CCR6: variants seen among roughly 807,000 people sequenced by gnomAD.
CCR6 encodes C-C chemokine receptor type 6.
Under a neutral mutation model 3.0 loss-of-function variants are expected in CCR6, and 2 were observed. The observed-to-expected ratio is 0.66, with a 90% CI of 0.27 to 2.07. The LOEUF is 2.07. Among genes scored for constraint, CCR6 ranks in the 30% most tolerant of loss-of-function variants. CCR6 has a pLI of 0.14. For synonymous variants in CCR6, 193 were observed against 184.3 expected (o/e 1.05, Z -0.38); for missense variants, 322 against 462.8 (o/e 0.70, Z 2.79).
At chr6:167,116,156 G>A (rs539774837) in intron 1 of CCR6, 5 of 152,338 alleles carry the variant, frequency 3.3e-5, no homozygotes, top group South Asian at 2.1e-4. Flanking sequence ...AAGCTCCAGG[G>A]TCCAACTGCA....
At chr6:167,120,437 A>T (rs938019813), upstream of CCR6, among the ~76,000 whole-genome samples, 7 of 152,196 alleles carry the variant, frequency 4.6e-5, no homozygotes, top group African/African-American at 1.7e-4. Flanking sequence ...ATGTCCACAA[A>T]GTGGTGTGCC....
intron 1 of CCR6, among the ~76,000 whole-genome samples, chr6:167,134,195 T>TGCAGCA (rs1781815661): frequency 6.6e-6 from 1 of 152,154 alleles, no homozygotes; most frequent in Non-Finnish European, 1.5e-5. Context: ...AGTTGTTTAA[T>TGCAGCA]GCAGCAGGGT....
At chr6:167,135,382 T>A (rs1176123047) in intron 1 of CCR6, among the ~76,000 whole-genome samples, 1 of 152,224 alleles carries the variant, frequency 6.6e-6, no homozygotes, top group Non-Finnish European at 1.5e-5. Context: ...GAATGTCTAC[T>A]GGAAAGGTCT....
At position 167,136,062 on chromosome 6, in the gene CCR6, G is replaced by T; in HGVS notation, c.-73G>T. 6.5e-7 allele frequency: 1 copy of T among 1,548,180 alleles called. No individual in the cohort carries two copies. Among genetic ancestry groups the T allele is most frequent in the Non-Finnish European group, 8.8e-7 (1 of 1,138,854 alleles). Reference sequence around the variant, plus strand: ...GAGTCACCTCTACTTTCCTGCTACCGCTGCCTGTGAGCTGAAGGGGCTGAA... The same window carrying T: ...GAGTCACCTCTACTTTCCTGCTACCTCTGCCTGTGAGCTGAAGGGGCTGAA... On this transcript the variant is annotated 5_prime_UTR_variant, in exon 2 of 3. Coordinates refer to ENST00000341935, the MANE Select transcript of CCR6 (RefSeq NM_031409.4). The surrounding 1 kb of genome is among the most constrained non-coding windows in gnomAD (Gnocchi z 4.6).
At chr6:167,118,507 A>G (rs1781536562), upstream of CCR6, among the ~76,000 whole-genome samples, 2 of 152,242 alleles carry the variant, frequency 1.3e-5, no homozygotes, top group Non-Finnish European at 2.9e-5. Context: ...CTACGTAGAA[A>G]TAAATTAGTA....
chr6:167,119,696 TC>T (rs1432267720), upstream of CCR6, among the ~76,000 whole-genome samples: 1 of 152,246 alleles, frequency 6.6e-6, no homozygotes, highest in African/African-American at 2.4e-5. Flanking sequence ...TTGTACTTCC[TC>T]CTATAAAATG....
intron 1 of CCR6, chr6:167,115,669 T>C (rs563573176): frequency 1.3e-5 from 2 of 152,356 alleles, no homozygotes; most frequent in East Asian, 3.9e-4. Context: ...TTTCCAGCAG[T>C]GAAAATTAGT....
chr6:167,132,515 CTG>C (rs923296738), intron 1 of CCR6, among the ~76,000 whole-genome samples: 92 of 152,044 alleles, frequency 6.1e-4, no homozygotes, highest in African/African-American at 2.1e-3. Flanking sequence ...AGTGGGATCT[CTG>C]TGTGTGTGTC....
intron 1 of CCR6, chr6:167,115,912 A>G (rs529126423): frequency 1.3e-5 from 2 of 152,308 alleles, no homozygotes; most frequent in East Asian, 1.9e-4. Context: ...CTGAGGCTGT[A>G]TCTATAATGT....
In CCR6 at chr6:167,138,816, C is replaced by T. The variant is rs1055983314; in HGVS notation, c.*1461C>T. 1.3e-5 allele frequency: 2 copies of T among 150,214 alleles called. No individual in the cohort carries two copies. Among genetic ancestry groups the T allele is most frequent in the Admixed American group, 6.8e-5 (1 of 14,796 alleles). The allele number at this position is 150,214 out of a possible 1,614,324, so 9.3% of individuals were successfully genotyped here. A position where few individuals can be genotyped will look rare whatever the true frequency, so the allele number is the denominator to read the frequency against. On this transcript the variant is annotated 3_prime_UTR_variant, in exon 3 of 3. Transcript: ENST00000341935. ...TGGTGGCGGGTGCCTGTAATCCCAG[C>T]TACTTGGGAGGCTGAGGCAAGAGAA... is the stretch of plus-strand genomic sequence containing the variant.
chr6:167,127,368 C>G (rs1781684339), intron 1 of CCR6: 3 of 152,166 alleles, frequency 2.0e-5, no homozygotes, highest in Admixed American at 2.0e-4. Context: ...TAAACAAGCT[C>G]TAATAGGAAT....
At chr6:167,130,671 C>G (rs1027926483) in intron 1 of CCR6, among the ~76,000 whole-genome samples, 4 of 151,800 alleles carry the variant, frequency 2.6e-5, no homozygotes, top group African/African-American at 9.7e-5. Flanking sequence ...TGATTCTTAA[C>G]CACAGTGACA....
upstream of CCR6, chr6:167,119,298 C>T (rs778797524): frequency 1.4e-3 from 212 of 153,010 alleles, 2 homozygotes; most frequent in African/African-American, 4.5e-3. Flanking sequence ...GTGAACTGGA[C>T]GCTCGCAGTG....
intron 1 of CCR6, among the ~76,000 whole-genome samples, chr6:167,128,972 A>G (rs1398950031): frequency 6.6e-6 from 1 of 152,230 alleles, no homozygotes; most frequent in African/African-American, 2.4e-5. Context: ...ATATTTGTAC[A>G]TTGATTCTGT....
upstream of CCR6, among the ~76,000 whole-genome samples, chr6:167,118,928 C>T (rs1781542348): frequency 6.6e-6 from 1 of 152,160 alleles, no homozygotes. Flanking sequence ...GGCAGGGCTG[C>T]CGCCAGGAGG....
intron 1 of CCR6, among the ~76,000 whole-genome samples, chr6:167,130,725 C>T (rs1781739585): frequency 6.6e-6 from 1 of 151,838 alleles, no homozygotes; most frequent in Admixed American, 6.5e-5. Context: ...TTATACCTAA[C>T]ACGTGCAAAA....
At position 167,135,681 on chromosome 6, in the gene CCR6, G is replaced by A. The variant is rs147010563; in HGVS notation, c.-97-357G>A. Among the ~76,000 whole-genome samples the A allele has an allele frequency of 7.4e-4, 113 of 152,308 alleles. 2 individuals are homozygous for A. In the East Asian group the frequency reaches 0.012, roughly 16 times the overall value. ...AAGATTTTTGTGCAGATCAAAACTTGTGGATTTCTGAGAGCACCTTATTTA... is the reference window on the plus strand; with the variant it reads ...AAGATTTTTGTGCAGATCAAAACTTATGGATTTCTGAGAGCACCTTATTTA... On this transcript the variant is annotated intron_variant, in intron 1 of 2. Transcript: ENST00000341935.
chr6:167,117,608 G>T (rs1490984988), intron 1 of CCR6, among the ~76,000 whole-genome samples: 1 of 151,236 alleles, frequency 6.6e-6, no homozygotes, highest in Admixed American at 6.6e-5. Flanking sequence ...GTAGAGATGG[G>T]GTTTCACCGT....
Position 167,136,580 on chromosome 6 carries a change from C to T in CCR6, c.350C>T (p.Thr117Met), listed in dbSNP as rs370354168. 34 of 1,609,534 alleles carry T rather than the reference C, an allele frequency of 2.1e-5. No homozygotes were observed. The highest frequency in any genetic ancestry group is 6.6e-5 in the South Asian group (6 of 90,638). ...GGTGCGTGGGTTTTCAGCAATGCCA[C>T]GTGCAAGTTGCTAAAAGGCATCTAT... ...ATGAWVFSNA[T>M]CKLLKGIYAI... The change falls in exon 3 of 3, where the codon ACG becomes ATG. Residue 117 changes from threonine to methionine, a missense_variant. Physicochemically the swap from Thr to Met is moderately conservative, Grantham distance 81. Coordinates refer to ENST00000341935, the MANE Select transcript of CCR6 (RefSeq NM_031409.4). This position sits in a 1 kb window ranked among gnomAD's most constrained non-coding sequence, Gnocchi z 4.6.
Sources: allele counts gnomAD v4.1 joint callset (sites outside exome capture counted in the v4.1 genomes callset), GRCh38; gene constraint gnomAD v4.1.1; non-coding constraint Gnocchi (gnomAD v3.1); transcripts MANE v1.5; gene names NCBI Gene and HGNC (gene_info 2026-07-23, HGNC 2026-07-21).